Variants in SLIT3 observed in about 807,000 individuals in gnomAD.
The protein encoded by SLIT3 is slit guidance ligand 3.
Under a neutral mutation model 184.0 loss-of-function variants are expected in SLIT3, and 68 were observed. That is an observed-to-expected ratio of 0.37 (90% CI 0.30 to 0.45). The LOEUF is 0.45. Ranked by LOEUF, SLIT3 falls within the 20% of genes least tolerant of loss-of-function variation. SLIT3 has a pLI of 1.00. For missense variants in SLIT3, 1,707 were observed against 2,026.0 expected, an observed-to-expected ratio of 0.84 and a Z score of 3.02; for synonymous variants, 831 against 828.6, an observed-to-expected ratio of 1.00 and a Z score of -0.05.
chr5:168,793,825 G>T (rs1756471826), intron 10 of SLIT3, among the ~76,000 whole-genome samples: 1 of 152,082 alleles, frequency 6.6e-6, no homozygotes, highest in African/African-American at 2.4e-5. Flanking sequence ...ATGGAGAGCG[G>T]GCTGGGGAAG....
chr5:168,751,283 G>A (rs1244267093), intron 18 of SLIT3, among the ~76,000 whole-genome samples: 2 of 152,216 alleles, frequency 1.3e-5, no homozygotes, highest in Non-Finnish European at 2.9e-5. Flanking sequence ...TGTGGCAGCA[G>A]CCTTTGCTTC....
intron 3 of SLIT3, among the ~76,000 whole-genome samples, chr5:169,220,173 C>A (rs1177688495): frequency 6.6e-6 from 1 of 152,088 alleles, no homozygotes; most frequent in Non-Finnish European, 1.5e-5. Flanking sequence ...TCCTTGGTAC[C>A]CCACATTGCT....
At chr5:168,903,498 T>A (rs184442642) in intron 4 of SLIT3, among the ~76,000 whole-genome samples, 2 of 152,318 alleles carry the variant, frequency 1.3e-5, no homozygotes, top group Admixed American at 6.5e-5. Context: ...TGCAGCATGA[T>A]GCCAAGGTCA....
At chr5:169,099,697 C>A (rs554595029) in intron 4 of SLIT3, among the ~76,000 whole-genome samples, 3 of 152,206 alleles carry the variant, frequency 2.0e-5, no homozygotes, top group Non-Finnish European at 4.4e-5. Flanking sequence ...CATATCCTGA[C>A]ACAGAATGCC....
At chr5:168,797,451 C>T (rs1174432341) in intron 9 of SLIT3, among the ~76,000 whole-genome samples, 1 of 152,226 alleles carries the variant, frequency 6.6e-6, no homozygotes, top group Non-Finnish European at 1.5e-5. Context: ...GGATCCACTG[C>T]TCCCAACTGC....
chr5:169,236,276 C>T (rs1352329773), intron 3 of SLIT3, among the ~76,000 whole-genome samples: 4 of 152,106 alleles, frequency 2.6e-5, no homozygotes, highest in African/African-American at 4.8e-5. Flanking sequence ...TGGGGTTTCA[C>T]ATTTTGTTTT....
At chr5:168,815,810 G>A (rs1445933472) in intron 8 of SLIT3, among the ~76,000 whole-genome samples, 1 of 152,208 alleles carries the variant, frequency 6.6e-6, no homozygotes, top group Admixed American at 6.5e-5. Flanking sequence ...GGCCATACTG[G>A]AGTCCAGCAG....
intron 6 of SLIT3, among the ~76,000 whole-genome samples, chr5:168,833,322 T>A (rs1057242211): frequency 6.6e-6 from 1 of 152,226 alleles, no homozygotes; most frequent in African/African-American, 2.4e-5. Context: ...TCCTGCTTTT[T>A]ATCCTCTGAT....
chr5:168,731,554 A>C (rs2113399202), intron 20 of SLIT3, among the ~76,000 whole-genome samples: 1 of 150,724 alleles, frequency 6.6e-6, no homozygotes, highest in Middle Eastern at 3.4e-3. Flanking sequence ...AAAAATTCTC[A>C]AAAAAAATAC....
intron 4 of SLIT3, among the ~76,000 whole-genome samples, chr5:168,981,879 C>T (rs1185367928): frequency 2.0e-5 from 3 of 152,164 alleles, no homozygotes; most frequent in Non-Finnish European, 4.4e-5. Context: ...AATGGAGTCC[C>T]ATTAACTCTT....
At chr5:168,814,174 T>A (rs1204368288) in intron 8 of SLIT3, among the ~76,000 whole-genome samples, 1 of 151,756 alleles carries the variant, frequency 6.6e-6, no homozygotes, top group African/African-American at 2.4e-5. Flanking sequence ...GGCGGGTGGA[T>A]CACCTGAGGT....
intron 34 of SLIT3, 111 bp downstream of exon 34, chr5:168,671,086 CG>C: frequency 8.4e-7 from 1 of 1,195,456 alleles, no homozygotes; most frequent in Non-Finnish European, 1.2e-6. Context: ...ATCCTATCTG[CG>C]GTCTGACTGC....
intron 4 of SLIT3, among the ~76,000 whole-genome samples, chr5:169,055,917 T>A (rs1404274963): frequency 6.6e-6 from 1 of 151,928 alleles, no homozygotes; most frequent in African/African-American, 2.4e-5. Flanking sequence ...TTGGCCATCA[T>A]ACGAAATTAA....
intron 4 of SLIT3, among the ~76,000 whole-genome samples, chr5:168,939,098 A>AAGTG (rs1762252869): frequency 1.3e-5 from 2 of 152,296 alleles, no homozygotes; most frequent in Non-Finnish European, 1.5e-5. Flanking sequence ...CCTTGGGAGA[A>AAGTG]GCATGCGAGG....
intron 20 of SLIT3, among the ~76,000 whole-genome samples, chr5:168,743,392 T>C (rs553175090): frequency 1.3e-5 from 2 of 152,346 alleles, no homozygotes; most frequent in South Asian, 2.1e-4. Flanking sequence ...ATAATACTTT[T>C]ATGGTGATCT....
intron 34 of SLIT3, among the ~76,000 whole-genome samples, chr5:168,670,673 C>T (rs1024217151): frequency 3.9e-5 from 6 of 152,188 alleles, no homozygotes; most frequent in Non-Finnish European, 8.8e-5. Context: ...CTGGTTTAGC[C>T]AACCACATTT....
intron 4 of SLIT3, among the ~76,000 whole-genome samples, chr5:169,147,013 C>T (rs1036267436): frequency 1.3e-5 from 2 of 152,176 alleles, no homozygotes; most frequent in African/African-American, 4.8e-5. Context: ...GTGTCTGGCT[C>T]ATAGTAAGTG....
chr5:169,233,818 C>T (rs1765093912), intron 3 of SLIT3, among the ~76,000 whole-genome samples: 2 of 151,870 alleles, frequency 1.3e-5, no homozygotes, highest in African/African-American at 4.8e-5. Flanking sequence ...CTCTCCCTTC[C>T]TTCCTTTCCT....
At chr5:168,760,823 A>G in intron 16 of SLIT3, 39 bp downstream of exon 16, 1 of 1,487,908 alleles carries the variant, frequency 6.7e-7, no homozygotes, top group African/African-American at 1.4e-5. Flanking sequence ...CTCTGGCTAG[A>G]GAACAGAGGC....
Sources: gnomAD v4.1 joint callset for allele counts (sites outside exome capture counted in the v4.1 genomes callset) on GRCh38, gnomAD v4.1.1 for gene constraint, MANE v1.5 for transcripts, NCBI Gene and HGNC (gene_info 2026-07-23, HGNC 2026-07-21) for gene names.